CSNK1D: variants seen among roughly 807,000 people sequenced by gnomAD.
The protein encoded by CSNK1D is casein kinase 1 delta, also known as casein kinase I isoform delta.
In CSNK1D, 16 loss-of-function variants were observed where a neutral mutation model predicts 46.6. That is an observed-to-expected ratio of 0.34 (90% CI 0.23 to 0.52). CSNK1D has a LOEUF of 0.52. Among genes scored for constraint, CSNK1D ranks in the 20% least tolerant of loss-of-function variants. The pLI, the probability that CSNK1D is intolerant of heterozygous loss-of-function variation, is 0.95. For synonymous variants in CSNK1D, 276 were observed against 228.2 expected, an observed-to-expected ratio of 1.21 and a Z score of -1.89; for missense variants, 398 against 578.4, an observed-to-expected ratio of 0.69 and a Z score of 3.20.
chr17:82,271,711 G>C (rs1311793898), intron 1 of CSNK1D, among the ~76,000 whole-genome samples: 1 of 152,254 alleles, frequency 6.6e-6, no homozygotes, highest in African/African-American at 2.4e-5. Flanking sequence ...CATATGTGTG[G>C]ATTCGTCCTA....
downstream of CSNK1D, chr17:82,242,518 C>T: frequency 2.5e-6 from 1 of 396,438 alleles, no homozygotes; most frequent in Non-Finnish European, 2.8e-6. Context: ...GCCCAGGGGG[C>T]AGCTCTCCTG....
rs2051684764 is a variant in CSNK1D at position 82,273,256 on chromosome 17, G to A, written c.76+50C>T. The stretch of plus-strand genomic sequence containing the variant: ...TCCGCGATCGCGCTTGGTCTTGGCA[G>A]CCGCAGGGCCCGGGTCTTCGGGCGG... On this transcript the variant is annotated intron_variant, in intron 1 of 8. Transcript: ENST00000314028. This position sits in a 1 kb window ranked among gnomAD's most constrained non-coding sequence, Gnocchi z 5.1. 1.3e-6 allele frequency: 2 copies of A among 1,562,174 alleles called. No homozygotes were observed. Among genetic ancestry groups the A allele is most frequent in the Admixed American group, 1.8e-5 (1 of 57,076 alleles).
At position 82,244,414 on chromosome 17, in the gene CSNK1D, G is replaced by T; in HGVS notation, c.*367C>A. 1 of 1,219,224 alleles carries T rather than the reference G, an allele frequency of 8.2e-7. No individual in the cohort carries two copies. The allele number at this position is 1,219,224 out of a possible 1,614,324, so 75.5% of individuals were successfully genotyped here. ...ATTTTTAGCAAAATGATACAAAACT[G>T]TCTTAACCAAGTAGAAGATTGGTAG... On this transcript the variant is annotated 3_prime_UTR_variant, in exon 9 of 9. Coordinates refer to ENST00000314028, the MANE Select transcript of CSNK1D (RefSeq NM_001893.6).
At chr17:82,272,069 C>T (rs774820609) in intron 1 of CSNK1D, 1 of 152,278 alleles carries the variant, frequency 6.6e-6, no homozygotes, top group Non-Finnish European at 1.5e-5. Context: ...AAATTACAAA[C>T]TTGGGCCAGG....
At chr17:82,246,044 G>A (rs747143234) in intron 8 of CSNK1D, 21 of 1,608,270 alleles carry the variant, frequency 1.3e-5, no homozygotes, top group Non-Finnish European at 1.8e-5. Context: ...GCTATTCTGA[G>A]GTGGGGAAAA....
chr17:82,273,714 CT>C, upstream of CSNK1D: 2 of 483,654 alleles, frequency 4.1e-6, no homozygotes, highest in South Asian at 3.5e-5. This position sits in a 1 kb window ranked among gnomAD's most constrained non-coding sequence, Gnocchi z 5.1. Context: ...GTCACTTCCC[CT>C]AGCAACCCGG....
At chr17:82,263,155 G>T (rs1229965139) in intron 2 of CSNK1D, among the ~76,000 whole-genome samples, 1 of 152,160 alleles carries the variant, frequency 6.6e-6, no homozygotes, top group Non-Finnish European at 1.5e-5. Flanking sequence ...ACTCCATCCT[G>T]GGCAACGGAG....
chr17:82,250,393 G>A lies in CSNK1D; in HGVS notation c.886-791C>T, dbSNP rs73366236. 2,301 of 385,662 alleles carry A rather than the reference G, an allele frequency of 6.0e-3. 49 individuals carry two copies. Among genetic ancestry groups the A allele is most frequent in the African/African-American group, 0.041 (1,963 of 47,612 alleles). 23.9% of individuals were successfully genotyped at this position (385,662 alleles called of 1,614,324 possible). On this transcript the variant is annotated intron_variant, in intron 6 of 8. Transcript: ENST00000314028. The surrounding 1 kb of genome is among the most constrained non-coding windows in gnomAD (Gnocchi z 4.6). ...CCTCATGCTGCCATTTACGGAAAAC[G>A]CTGGCCTAGCCTGCTCTGAGGGCCG...
chr17:82,266,195 G>T (rs549039093), intron 1 of CSNK1D, among the ~76,000 whole-genome samples: 1 of 152,280 alleles, frequency 6.6e-6, no homozygotes, highest in Admixed American at 6.5e-5. Context: ...CATGCTGCCT[G>T]ATAGGCCTCC....
intron 8 of CSNK1D, chr17:82,246,247 A>G: frequency 6.8e-7 from 1 of 1,473,932 alleles, no homozygotes; most frequent in South Asian, 1.3e-5. Flanking sequence ...CTCTTCTGGA[A>G]TCACTTGCTC....
At chr17:82,261,189 C>A (rs964063375) in intron 2 of CSNK1D, 1 of 154,840 alleles carries the variant, frequency 6.5e-6, no homozygotes, top group African/African-American at 2.4e-5. Context: ...TGCACTTGTG[C>A]TCTATGGACT....
At chr17:82,267,546 G>A (rs535945708) in intron 1 of CSNK1D, among the ~76,000 whole-genome samples, 4 of 152,272 alleles carry the variant, frequency 2.6e-5, no homozygotes, top group South Asian at 2.1e-4. Flanking sequence ...ATTTAAGAAC[G>A]TCACTTACTA....
At position 82,255,450 on chromosome 17, in the gene CSNK1D, G is replaced by T; in HGVS notation, c.315C>A (p.Val105=). The change falls in exon 3 of 9, where the codon GTC becomes GTA. Residue 105 remains valine (V), a synonymous_variant. Coordinates refer to ENST00000314028, the MANE Select transcript of CSNK1D (RefSeq NM_001893.6). The surrounding 1 kb of genome is among the most constrained non-coding windows in gnomAD (Gnocchi z 5.9). ...FCSRKFSLKT[V]LLLADQMISR... ...TTACCATTTGGTCAGCAAGCAGCAGGACGGTTTTGAGGCTGAATTTCCTGG... is the reference window on the plus strand; with the variant it reads ...TTACCATTTGGTCAGCAAGCAGCAGTACGGTTTTGAGGCTGAATTTCCTGG... 1 of 1,614,172 alleles carries T rather than the reference G, an allele frequency of 6.2e-7. No homozygotes were observed. The highest frequency in any genetic ancestry group is 1.3e-5 in the African/African-American group (1 of 75,040).
At chr17:82,241,290 G>A (rs529285556), downstream of CSNK1D, among the ~76,000 whole-genome samples, 5 of 152,332 alleles carry the variant, frequency 3.3e-5, no homozygotes, top group African/African-American at 9.6e-5. Flanking sequence ...GACCCAGAAA[G>A]GGCTTGGTGG....
rs540581308 is a variant in CSNK1D at position 82,255,782 on chromosome 17, G to A, written c.188-205C>T. Among the ~76,000 whole-genome samples, 35 of 152,340 alleles carry A rather than the reference G, an allele frequency of 2.3e-4. No individual in the cohort carries two copies. In the South Asian group the frequency reaches 4.1e-3, roughly 18 times the overall value. ...TATTAGCAAATGGCCTGAGGCAGAC[G>A]TTGGATGAGGGCCAAGCAGACAGGA... On this transcript the variant is annotated intron_variant, in intron 2 of 8. Coordinates refer to ENST00000314028, the MANE Select transcript of CSNK1D (RefSeq NM_001893.6). The surrounding 1 kb of genome is among the most constrained non-coding windows in gnomAD (Gnocchi z 5.9).
intron 2 of CSNK1D, among the ~76,000 whole-genome samples, chr17:82,260,556 T>C (rs553893181): frequency 1.9e-4 from 28 of 151,258 alleles, no homozygotes; most frequent in Admixed American, 1.1e-3. Context: ...ATGTGACTGA[T>C]GGTGTACTGA....
rs1488364883 is a variant in CSNK1D at position 82,242,958 on chromosome 17, G to A, written c.*1823C>T. On this transcript the variant is annotated 3_prime_UTR_variant, in exon 9 of 9. Transcript: ENST00000314028. Reference sequence around the variant, plus strand: ...ACAGATATTTACAAAGCAAGCTTGCGCCACTTCAGGCCACAGCGCGACGTC... The same window carrying A: ...ACAGATATTTACAAAGCAAGCTTGCACCACTTCAGGCCACAGCGCGACGTC... 6.1e-6 allele frequency: 6 copies of A among 985,226 alleles called. No individual in the cohort carries two copies. The South Asian group carries it at 1.9e-4, about 31-fold the overall frequency. The allele number at this position is 985,226 out of a possible 1,614,324, so 61.0% of individuals were successfully genotyped here.
rs1206487912 is a variant in CSNK1D at position 82,251,117 on chromosome 17, G to T, written c.885+262C>A. On this transcript the variant is annotated intron_variant, in intron 6 of 8. Coordinates refer to ENST00000314028, the MANE Select transcript of CSNK1D (RefSeq NM_001893.6). This position sits in a 1 kb window ranked among gnomAD's most constrained non-coding sequence, Gnocchi z 4.5. ...GGGCCCTAGCTCCGCTTGGTGACAG[G>T]GAGGGAAGGGGCCTCCTGCTGTCCA... The T allele has an allele frequency of 2.1e-6, 1 of 482,818 alleles. No individual in the cohort carries two copies. Among genetic ancestry groups the T allele is most frequent in the Non-Finnish European group, 3.8e-6 (1 of 261,844 alleles). 29.9% of individuals were successfully genotyped at this position (482,818 alleles called of 1,614,324 possible). A position where few individuals can be genotyped will look rare whatever the true frequency, so the allele number is the denominator to read the frequency against.
chr17:82,242,423 A>G (rs974140515), downstream of CSNK1D, among the ~76,000 whole-genome samples: 11 of 152,136 alleles, frequency 7.2e-5, no homozygotes, highest in Non-Finnish European at 1.5e-4. Flanking sequence ...TCACACAGAA[A>G]GTGCGTGGAC....
Sources: allele counts gnomAD v4.1 joint callset (sites outside exome capture counted in the v4.1 genomes callset), GRCh38; gene constraint gnomAD v4.1.1; non-coding constraint Gnocchi (gnomAD v3.1); transcripts MANE v1.5; gene names NCBI Gene and HGNC (gene_info 2026-07-23, HGNC 2026-07-21).